The following SHISA9 variants were observed in gnomAD, a reference collection of about 807,000 sequenced individuals.
SHISA9 encodes the protein protein shisa-9.
Under a neutral mutation model 38.0 loss-of-function variants are expected in SHISA9, and 13 were observed. The ratio of observed to expected loss-of-function variants is 0.34; its 90% CI spans 0.22 to 0.54. The LOEUF is 0.54. Ranked by LOEUF, SHISA9 falls within the 20% of genes least tolerant of loss-of-function variation. The pLI is 0.91. For missense variants in SHISA9, 538 were observed against 575.8 expected (o/e 0.93, Z 0.67); for synonymous variants, 275 against 242.0 (o/e 1.14, Z -1.27).
intron 2 of SHISA9, among the ~76,000 whole-genome samples, chr16:13,115,113 A>G (rs2074019168): frequency 6.6e-6 from 1 of 152,142 alleles, no homozygotes; most frequent in Non-Finnish European, 1.5e-5. Flanking sequence ...TATATGTCCT[A>G]TTTCATATAC....
intron 2 of SHISA9, among the ~76,000 whole-genome samples, chr16:13,124,394 G>T (rs796541239): frequency 3.2e-4 from 48 of 152,298 alleles, no homozygotes; most frequent in African/African-American, 1.1e-3. Flanking sequence ...GATGGAGGAG[G>T]GATGGTGTCA....
intron 2 of SHISA9, among the ~76,000 whole-genome samples, chr16:13,153,556 C>T (rs920236893): frequency 1.6e-4 from 25 of 152,146 alleles, no homozygotes; most frequent in African/African-American, 6.0e-4. Context: ...GGGATTTCCA[C>T]AACAGAGAGG....
intron 2 of SHISA9, among the ~76,000 whole-genome samples, chr16:13,098,737 C>T (rs952801308): frequency 6.6e-6 from 1 of 152,176 alleles, no homozygotes; most frequent in African/African-American, 2.4e-5. Context: ...GTTGCTGCCT[C>T]CAGGAACGGA....
Position 13,045,107 on chromosome 16 carries a change from A to G in SHISA9, c.691+128292A>G, listed in dbSNP as rs529871148. Among the ~76,000 whole-genome samples, 15 of 152,302 alleles carry G rather than the reference A, an allele frequency of 9.8e-5. No individual in the cohort carries two copies. The South Asian group carries it at 3.1e-3, about 32-fold the overall frequency. On this transcript the variant is annotated intron_variant, in intron 2 of 4. Coordinates refer to ENST00000558583, the MANE Select transcript of SHISA9 (RefSeq NM_001145204.3). ...TTTACCTCATAGTGTAGTTATAGAG[A>G]TTCAACATGCTTGTTATTATGGATG...
the SHISA9 span, among the ~76,000 whole-genome samples, chr16:13,262,678 G>GAGGGAGGAAGGAAGGA: frequency 3.9e-4 from 22 of 55,894 alleles, no homozygotes; most frequent in African/African-American, 8.0e-4. Flanking sequence ...GGAAGGGAGG[G>GAGGGAGGAAGGAAGGA]AGGAAGGAAG....
At chr16:13,069,526 A>C (rs2073485281) in intron 2 of SHISA9, among the ~76,000 whole-genome samples, 2 of 151,880 alleles carry the variant, frequency 1.3e-5, no homozygotes, top group Non-Finnish European at 2.9e-5. Flanking sequence ...ATGTGTGTAC[A>C]CACAATGTGT....
At chr16:13,403,693 C>T in the SHISA9 span, among the ~76,000 whole-genome samples, 4 of 152,212 alleles carry the variant, frequency 2.6e-5, no homozygotes, top group African/African-American at 9.6e-5. Context: ...ATTAAATCAT[C>T]TTCTGAGTAG....
the SHISA9 span, among the ~76,000 whole-genome samples, chr16:13,377,986 T>G: frequency 6.6e-6 from 1 of 152,156 alleles, no homozygotes; most frequent in Non-Finnish European, 1.5e-5. Context: ...TGAGCTGAGA[T>G]TGTGCCACTG....
intron 2 of SHISA9, among the ~76,000 whole-genome samples, chr16:13,052,287 T>G (rs2073261526): frequency 6.6e-6 from 1 of 152,200 alleles, no homozygotes; most frequent in African/African-American, 2.4e-5. Context: ...CCCCCTCCTT[T>G]CTGAATATGC....
the SHISA9 span, among the ~76,000 whole-genome samples, chr16:13,314,859 A>G: frequency 6.6e-6 from 1 of 152,160 alleles, no homozygotes; most frequent in African/African-American, 2.4e-5. Flanking sequence ...ATTGGCATAA[A>G]TTTTCAATTA....
At chr16:13,250,619 T>C in the SHISA9 span, among the ~76,000 whole-genome samples, 2 of 152,162 alleles carry the variant, frequency 1.3e-5, no homozygotes, top group Non-Finnish European at 2.9e-5. Flanking sequence ...CCCAACCCCA[T>C]TGTGTCTTAC....
intron 2 of SHISA9, among the ~76,000 whole-genome samples, chr16:12,917,909 G>A (rs7193272): frequency 0.27 from 40,781 of 152,020 alleles, 5,938 homozygotes; most frequent in Middle Eastern, 0.34. Context: ...CTTATGCTCA[G>A]TGGGTAGAGG....
At chr16:13,087,147 C>CTTTT (rs956913326) in intron 2 of SHISA9, among the ~76,000 whole-genome samples, 28 of 81,610 alleles carry the variant, frequency 3.4e-4, no homozygotes, top group Non-Finnish European at 5.1e-4. Context: ...ATGAACTCGT[C>CTTTT]TTTTTTTTTT....
chr16:12,955,148 C>A (rs564639923), intron 2 of SHISA9, among the ~76,000 whole-genome samples: 1 of 152,086 alleles, frequency 6.6e-6, no homozygotes, highest in South Asian at 2.1e-4. Context: ...ACTTTTATTT[C>A]CTGTGGGATT....
Position 12,926,444 on chromosome 16 carries a change from C to T in SHISA9, c.691+9629C>T, listed in dbSNP as rs546208700. On this transcript the variant is annotated intron_variant, in intron 2 of 4. Transcript: ENST00000558583. Reference sequence around the variant, plus strand: ...ATAATTAATATTTCTATTCAATCAACATTCCGCTGATATTTATTAAAATAC... The same window carrying T: ...ATAATTAATATTTCTATTCAATCAATATTCCGCTGATATTTATTAAAATAC... Among the ~76,000 whole-genome samples, 4 of 152,236 alleles carry T rather than the reference C, an allele frequency of 2.6e-5. No homozygotes were observed. In the South Asian group the frequency reaches 8.3e-4, roughly 32 times the overall value.
chr16:13,068,387 G>A (rs975877804), intron 2 of SHISA9, among the ~76,000 whole-genome samples: 1 of 152,162 alleles, frequency 6.6e-6, no homozygotes, highest in African/African-American at 2.4e-5. Context: ...AAATAAAAAG[G>A]TTCATAAAAG....
chr16:13,362,615 A>C, the SHISA9 span, among the ~76,000 whole-genome samples: 2 of 152,098 alleles, frequency 1.3e-5, no homozygotes, highest in Non-Finnish European at 2.9e-5. Context: ...AAAATGCAGA[A>C]AGTTTTGGTC....
chr16:13,135,900 C>T (rs550027969), intron 2 of SHISA9, among the ~76,000 whole-genome samples: 11 of 152,054 alleles, frequency 7.2e-5, no homozygotes, highest in Admixed American at 2.6e-4. Flanking sequence ...GTAGATATTC[C>T]AGGGCTCCAC....
At chr16:13,135,631 C>T (rs2050342212) in intron 2 of SHISA9, among the ~76,000 whole-genome samples, 1 of 152,194 alleles carries the variant, frequency 6.6e-6, no homozygotes, top group South Asian at 2.1e-4. Context: ...TGATTCCTTG[C>T]TTAATGTATT....
Sources: allele counts gnomAD v4.1 joint callset (sites outside exome capture counted in the v4.1 genomes callset), GRCh38; gene constraint gnomAD v4.1.1; transcripts MANE v1.5; gene names NCBI Gene and HGNC (gene_info 2026-07-23, HGNC 2026-07-21).